Variants in RBBP8 observed in about 807,000 individuals in gnomAD.
RBBP8 encodes the protein RB binding protein 8, endonuclease, also known as DNA endonuclease RBBP8.
A neutral mutation model predicts 108.3 loss-of-function variants in RBBP8; 88 were observed. That is an observed-to-expected ratio of 0.81 (90% confidence interval 0.68 to 0.97). The LOEUF is 0.97. Among genes scored for constraint, RBBP8 ranks in the 50% least tolerant of loss-of-function variants. The probability of loss-of-function intolerance (pLI) is 0.00; values close to 1 mark genes in which losing one functional copy is unlikely to be tolerated. For synonymous variants in RBBP8, 332 were observed against 348.2 expected (o/e 0.95, Z 0.52); for missense variants, 1,023 against 1,049.0 (o/e 0.98, Z 0.34).
intron 14 of RBBP8, among the ~76,000 whole-genome samples, chr18:23,000,697 C>T (rs1243847538): frequency 6.6e-6 from 1 of 151,200 alleles, no homozygotes; most frequent in Non-Finnish European, 1.5e-5. Context: ...GCCAATATCG[C>T]CTCACTGCAC....
At chr18:22,954,411 G>A (rs996682686) in intron 4 of RBBP8, among the ~76,000 whole-genome samples, 1 of 152,210 alleles carries the variant, frequency 6.6e-6, no homozygotes, top group African/African-American at 2.4e-5. Context: ...CCAAAATCCA[G>A]CAGGGCAGTC....
intron 6 of RBBP8, among the ~76,000 whole-genome samples, chr18:22,977,010 C>T (rs182624183): frequency 2.0e-5 from 3 of 152,078 alleles, no homozygotes; most frequent in Admixed American, 1.3e-4. Context: ...TTTGAAATTA[C>T]AGGAAAGAGT....
chr18:23,012,207 CCAA>C (rs1289423185), intron 16 of RBBP8, among the ~76,000 whole-genome samples: 1 of 81,174 alleles, frequency 1.2e-5, no homozygotes, highest in Non-Finnish European at 2.3e-5. Context: ...GATGCTGTCT[CCAA>C]AAAAAAAAAA....
chr18:22,936,825 G>A lies in RBBP8; in HGVS notation c.-27G>A, dbSNP rs1427635418. On this transcript the variant is annotated 5_prime_UTR_variant, in exon 2 of 19. Transcript: ENST00000327155. ...GAAAAGGTCAGAAAATATTAAGCAA[G>A]TAGAAGTGTGGAGCATATTAAGCAA... 6.2e-6 allele frequency: 10 copies of A among 1,613,422 alleles called. No individual in the cohort carries two copies. The highest frequency in any genetic ancestry group is 8.5e-6 in the Non-Finnish European group (10 of 1,179,646).
At position 22,993,714 on chromosome 18, in the gene RBBP8, G is replaced by C. The variant is rs758770417; in HGVS notation, c.1813-7G>C. 4 of 1,614,154 alleles carry C rather than the reference G, an allele frequency of 2.5e-6. No individual in the cohort carries two copies. Among genetic ancestry groups the C allele is most frequent in the South Asian group, 1.1e-5 (1 of 91,082 alleles). On this transcript the variant is annotated splice_region_variant and splice_polypyrimidine_tract_variant and intron_variant, in intron 11 of 18. Transcript: ENST00000327155. ...TCATTTAGAGCTAACAATTATTTCT[G>C]TTTTAGAGTGCTGGTTCTCATGAGC...
intron 4 of RBBP8, among the ~76,000 whole-genome samples, chr18:22,951,072 A>G (rs1911994679): frequency 6.6e-6 from 1 of 152,228 alleles, no homozygotes; most frequent in African/African-American, 2.4e-5. Context: ...ATTTGTTGGA[A>G]TAGGCAGTGT....
chr18:23,022,666 A>ATAAAAAAAAT (rs2046387220), intron 18 of RBBP8, among the ~76,000 whole-genome samples: 2 of 142,422 alleles, frequency 1.4e-5, no homozygotes, highest in African/African-American at 5.5e-5. Context: ...AATAAAATAA[A>ATAAAAAAAAT]ATAAATAACT....
At position 23,017,675 on chromosome 18, in the gene RBBP8, A is replaced by G. The variant is rs548706211; in HGVS notation, c.2454+751A>G. Among the ~76,000 whole-genome samples the G allele has an allele frequency of 1.7e-3, 262 of 151,610 alleles. 2 individuals carry two copies. The highest frequency in any genetic ancestry group is 6.2e-3 in the African/African-American group (254 of 41,294). On this transcript the variant is annotated intron_variant, in intron 17 of 18. Coordinates refer to ENST00000327155, the MANE Select transcript of RBBP8 (RefSeq NM_002894.3). Reference sequence around the variant, plus strand: ...TCTCAAAAAAAAAAAAATTATTTTTACCAACATTCTCAGGAAATTAGGTAT... The same window carrying G: ...TCTCAAAAAAAAAAAAATTATTTTTGCCAACATTCTCAGGAAATTAGGTAT...
intron 8 of RBBP8, among the ~76,000 whole-genome samples, chr18:22,988,344 T>C (rs1187892005): frequency 6.6e-6 from 1 of 152,198 alleles, no homozygotes; most frequent in Non-Finnish European, 1.5e-5. Context: ...CTAACCAACC[T>C]AACTGGGTTC....
intron 6 of RBBP8, among the ~76,000 whole-genome samples, chr18:22,976,231 C>G (rs986207178): frequency 6.6e-6 from 1 of 152,066 alleles, no homozygotes; most frequent in Non-Finnish European, 1.5e-5. Flanking sequence ...TGTGATTGGT[C>G]TACTGAATAC....
At chr18:23,004,709 A>C (rs2046009326) in intron 15 of RBBP8, 2 of 152,258 alleles carry the variant, frequency 1.3e-5, no homozygotes, top group Admixed American at 1.3e-4. Flanking sequence ...GTGACCTCTT[A>C]GAAGCAGGAG....
At chr18:22,973,048 C>T (rs1303137797) in intron 5 of RBBP8, among the ~76,000 whole-genome samples, 1 of 152,048 alleles carries the variant, frequency 6.6e-6, no homozygotes, top group Non-Finnish European at 1.5e-5. Context: ...TTTCTTGTCT[C>T]GGTATTTATT....
At chr18:22,937,967 A>C (rs1313725555) in intron 2 of RBBP8, among the ~76,000 whole-genome samples, 1 of 151,876 alleles carries the variant, frequency 6.6e-6, no homozygotes, top group African/African-American at 2.4e-5. Context: ...CTGGGACTAC[A>C]GGTGTGCACC....
chr18:22,924,238 C>T (rs1003969341), intron 3 of RBBP8, among the ~76,000 whole-genome samples: 2 of 143,976 alleles, frequency 1.4e-5, no homozygotes, highest in Admixed American at 7.5e-5. Context: ...AAGCAATTCT[C>T]CTGCCTCAGC....
chr18:22,927,052 A>T (rs1351621844), intron 3 of RBBP8, among the ~76,000 whole-genome samples: 3 of 152,216 alleles, frequency 2.0e-5, no homozygotes, highest in Non-Finnish European at 4.4e-5. Context: ...ACAACTTTTA[A>T]AAAATTGAAT....
At chr18:23,024,930 TC>T (rs1221329628) in intron 18 of RBBP8, among the ~76,000 whole-genome samples, 3 of 152,204 alleles carry the variant, frequency 2.0e-5, no homozygotes, top group Admixed American at 6.5e-5. Flanking sequence ...ACCTAGAATT[TC>T]AGTTCAGCCT....
intron 4 of RBBP8, among the ~76,000 whole-genome samples, chr18:22,966,977 C>T (rs936074979): frequency 2.6e-5 from 4 of 152,096 alleles, no homozygotes; most frequent in African/African-American, 4.8e-5. Context: ...CTGACCACCT[C>T]GGCCTCCCAA....
intron 3 of RBBP8, among the ~76,000 whole-genome samples, chr18:22,928,143 A>C (rs1291316635): frequency 6.7e-6 from 1 of 148,934 alleles, no homozygotes; most frequent in Non-Finnish European, 1.5e-5. Context: ...GAAGGCTATC[A>C]TAAGCTGAGA....
At chr18:22,985,136 T>C (rs1425884520) in intron 8 of RBBP8, 146 bp downstream of exon 8, 1 of 1,081,802 alleles carries the variant, frequency 9.2e-7, no homozygotes, top group Non-Finnish European at 1.3e-6. Context: ...CTTTTTCATA[T>C]TGGAAAGTAA....
Sources: gnomAD v4.1 joint callset for allele counts (sites outside exome capture counted in the v4.1 genomes callset) on GRCh38, gnomAD v4.1.1 for gene constraint, MANE v1.5 for transcripts, NCBI Gene and HGNC (gene_info 2026-07-23, HGNC 2026-07-21) for gene names.